SCN11A: variants seen among roughly 807,000 people sequenced by gnomAD.
The protein encoded by SCN11A is sodium channel protein type 11 subunit alpha.
A neutral mutation model predicts 162.2 loss-of-function variants in SCN11A; 122 were observed. That is an observed-to-expected ratio of 0.75 (90% CI 0.65 to 0.87). The LOEUF (loss-of-function observed/expected upper bound fraction) is 0.87, where lower values mean the gene tolerates loss of function less well. SCN11A is among the 40% of genes least tolerant of loss of function. The pLI is 0.00. For synonymous variants in SCN11A, 758 were observed against 751.5 expected, an observed-to-expected ratio of 1.01 and a Z score of -0.14; for missense variants, 2,015 against 2,181.6, an observed-to-expected ratio of 0.92 and a Z score of 1.52.
rs558370837 is a variant in SCN11A, at chr3:38,894,715, T to C, written c.2653A>G (p.Met885Val). ...AQSKDIIPLV[M>V]EMKRGSETQE... Reference sequence around the variant, plus strand: ...GTCTCTGAGCCCCTTTTCATCTCCATGACCAGGGGAATGATGTCTTTGCTT... The same window carrying C: ...GTCTCTGAGCCCCTTTTCATCTCCACGACCAGGGGAATGATGTCTTTGCTT... Residue 885 changes from methionine to valine, a missense_variant, in exon 19 of 30, where the codon ATG becomes GTG. Physicochemically the swap from Met to Val is conservative, Grantham distance 21. Transcript: ENST00000302328. 5 of 1,614,058 alleles carry C rather than the reference T, an allele frequency of 3.1e-6. No individual in the cohort carries two copies. The Admixed American group carries it at 6.7e-5, about 22-fold the overall frequency.
chr3:38,847,609 G>A lies in SCN11A; in HGVS notation c.4461C>T (p.Leu1487=). Residue 1487 remains leucine (L), a synonymous_variant, in exon 30 of 30, where the codon CTC becomes CTT. Transcript: ENST00000302328. The part of the protein sequence containing the change: ...VRAARGIRTL[L]FALMMSLPSL... The stretch of plus-strand genomic sequence containing the variant: ...AAGGAAGCGACATCATCAGAGCAAA[G>A]AGGAGAGTCCTGATTCCTCGTGCAG... 1 of 1,614,186 alleles carries A rather than the reference G, an allele frequency of 6.2e-7. No individual in the cohort carries two copies. Among genetic ancestry groups the A allele is most frequent in the Non-Finnish European group, 8.5e-7 (1 of 1,180,036 alleles).
At chr3:38,979,611 T>G (rs1159209399) in intron 2 of SCN11A, among the ~76,000 whole-genome samples, 1 of 152,246 alleles carries the variant, frequency 6.6e-6, no homozygotes, top group Non-Finnish European at 1.5e-5. Flanking sequence ...ATGATTCTTT[T>G]AGACTTCACA....
At chr3:39,032,018 T>C (rs1466636374) in intron 2 of SCN11A, among the ~76,000 whole-genome samples, 3 of 152,168 alleles carry the variant, frequency 2.0e-5, no homozygotes, top group Non-Finnish European at 4.4e-5. Flanking sequence ...AAAATGGTTA[T>C]ACAAAAGGAG....
intron 29 of SCN11A, chr3:38,850,190 AC>A (rs1424446157): frequency 3.4e-6 from 1 of 296,968 alleles, no homozygotes; most frequent in Non-Finnish European, 6.2e-6. Flanking sequence ...GGTTACCACC[AC>A]AAAAACTTCT....
chr3:38,941,968 A>G (rs2066449554), intron 7 of SCN11A, among the ~76,000 whole-genome samples: 1 of 152,198 alleles, frequency 6.6e-6, no homozygotes, highest in African/African-American at 2.4e-5. Context: ...GATATACGCT[A>G]CAAATACAAA....
In SCN11A at chr3:38,921,307, T is replaced by C. The variant is rs778530841; in HGVS notation, c.713-52A>G. 6 of 1,556,022 alleles carry C rather than the reference T, an allele frequency of 3.9e-6. No homozygotes were observed. The South Asian group carries it at 7.0e-5, about 18-fold the overall frequency. Reference sequence around the variant, plus strand: ...AAGCCCATCCCCCTCAGCCAGACACTCACAAAGGCCAAGTAAGGAGCAACT... The same window carrying C: ...AAGCCCATCCCCCTCAGCCAGACACCCACAAAGGCCAAGTAAGGAGCAACT... On this transcript the variant is annotated intron_variant, in intron 9 of 29. Transcript: ENST00000302328.
chr3:38,949,995 A>G (rs2066577431), intron 5 of SCN11A, 101 bp downstream of exon 5: 2 of 740,008 alleles, frequency 2.7e-6, no homozygotes, highest in Non-Finnish European at 4.3e-6. Context: ...CCTGCCTGCT[A>G]TAAACCCTAA....
Position 38,953,686 on chromosome 3 carries a change from G to A in SCN11A, c.-65C>T, listed in dbSNP as rs1385356741. On this transcript the variant is annotated 5_prime_UTR_variant, in exon 4 of 30. Coordinates refer to ENST00000302328, the MANE Select transcript of SCN11A (RefSeq NM_001349253.2). ...GTGTGGCCACTCACTGAGACAGAGAGTGCAAGAAAAGGAGGGCACTGCGAG... is the reference window on the plus strand; with the variant it reads ...GTGTGGCCACTCACTGAGACAGAGAATGCAAGAAAAGGAGGGCACTGCGAG... Among the ~76,000 whole-genome samples the A allele has an allele frequency of 1.3e-5, 2 of 152,144 alleles. No homozygotes were observed. The highest frequency in any genetic ancestry group is 2.9e-5 in the Non-Finnish European group (2 of 68,030).
rs565745247 is a variant in SCN11A, at chr3:38,936,030, T to C, written c.489-9099A>G. Among the ~76,000 whole-genome samples the C allele has an allele frequency of 4.7e-3, 717 of 152,242 alleles. 2 individuals carry two copies. Among genetic ancestry groups the C allele is most frequent in the Middle Eastern group, 6.8e-3 (2 of 294 alleles). ...AAAAAGCTTATCCACCATGATCAAG[T>C]GGGCTTCATCCCTGGGATGCAAGGC... is the stretch of plus-strand genomic sequence containing the variant. On this transcript the variant is annotated intron_variant, in intron 7 of 29. Transcript: ENST00000302328.
intron 3 of SCN11A, among the ~76,000 whole-genome samples, chr3:38,958,481 A>C (rs1350827782): frequency 2.6e-5 from 4 of 152,226 alleles, no homozygotes. Flanking sequence ...AAGTCCCTTT[A>C]ATAAAATATC....
At chr3:39,029,407 A>C (rs539304845) in intron 2 of SCN11A, among the ~76,000 whole-genome samples, 1 of 152,006 alleles carries the variant, frequency 6.6e-6, no homozygotes, top group African/African-American at 2.4e-5. Context: ...TCTTTTGCCC[A>C]TTTTTTCCTA....
intron 2 of SCN11A, among the ~76,000 whole-genome samples, chr3:38,967,681 A>G (rs60489676): frequency 0.069 from 10,532 of 152,250 alleles, 1,163 homozygotes; most frequent in African/African-American, 0.23. Context: ...CTTTAGCTGG[A>G]ATCAGAGGTG....
At chr3:38,997,375 T>C (rs2030676937) in intron 2 of SCN11A, among the ~76,000 whole-genome samples, 1 of 152,228 alleles carries the variant, frequency 6.6e-6, no homozygotes, top group Admixed American at 6.5e-5. Flanking sequence ...GATGTGAAAA[T>C]GCCTAGCTCC....
chr3:38,932,387 C>T (rs7639390), intron 7 of SCN11A, among the ~76,000 whole-genome samples: 10,258 of 152,160 alleles, frequency 0.067, 1,102 homozygotes, highest in African/African-American at 0.23. Context: ...GTGGGTGCAG[C>T]GCACCGTGCA....
At chr3:38,898,177 G>A (rs887432322) in intron 17 of SCN11A, among the ~76,000 whole-genome samples, 27 of 152,184 alleles carry the variant, frequency 1.8e-4, no homozygotes, top group Admixed American at 1.1e-3. Context: ...GGCAGAGGTT[G>A]CAGTGAGCTG....
chr3:38,908,771 A>G (rs568132820), intron 13 of SCN11A, among the ~76,000 whole-genome samples: 19 of 152,328 alleles, frequency 1.2e-4, no homozygotes, highest in African/African-American at 4.1e-4. Flanking sequence ...GTCAAAAAGC[A>G]TCAAGACCAA....
chr3:38,902,756 A>G (rs2065723156), intron 16 of SCN11A, among the ~76,000 whole-genome samples: 4 of 151,932 alleles, frequency 2.6e-5, no homozygotes, highest in Admixed American at 2.6e-4. Context: ...TGACCTCATG[A>G]TCTGCCTGCC....
At chr3:38,873,453 T>C (rs534978760) in intron 23 of SCN11A, among the ~76,000 whole-genome samples, 21 of 152,338 alleles carry the variant, frequency 1.4e-4, no homozygotes, top group Non-Finnish European at 2.2e-4. Flanking sequence ...ATAATCAATT[T>C]ACAGTGTATT....
At chr3:38,939,551 C>T (rs991670301) in intron 7 of SCN11A, among the ~76,000 whole-genome samples, 1 of 152,160 alleles carries the variant, frequency 6.6e-6, no homozygotes, top group African/African-American at 2.4e-5. Context: ...AGATATAAAT[C>T]ACTTTACTGG....
Sources: allele counts gnomAD v4.1 joint callset (sites outside exome capture counted in the v4.1 genomes callset), GRCh38; gene constraint gnomAD v4.1.1; transcripts MANE v1.5; gene names NCBI Gene and HGNC (gene_info 2026-07-23, HGNC 2026-07-21).